Variants in TRAPPC9 observed in about 807,000 individuals in gnomAD.
TRAPPC9 encodes the protein trafficking protein particle complex subunit 9.
A neutral mutation model predicts 124.0 loss-of-function variants in TRAPPC9; 83 were observed. That is an observed-to-expected ratio of 0.67 (90% CI 0.56 to 0.80). The LOEUF is 0.80. Among genes scored for constraint, TRAPPC9 ranks in the 30% least tolerant of loss-of-function variants. The pLI, the probability that TRAPPC9 is intolerant of heterozygous loss-of-function variation, is 0.00. For synonymous variants in TRAPPC9, 638 were observed against 617.5 expected, an observed-to-expected ratio of 1.03 and a Z score of -0.49; for missense variants, 1,302 against 1,508.3, an observed-to-expected ratio of 0.86 and a Z score of 2.27.
At chr8:139,846,905 G>T (rs1034323371) in intron 21 of TRAPPC9, among the ~76,000 whole-genome samples, 2 of 152,160 alleles carry the variant, frequency 1.3e-5, no homozygotes, top group Non-Finnish European at 2.9e-5. Context: ...CCATTTTTTT[G>T]ATCATGCAAA....
intron 15 of TRAPPC9, among the ~76,000 whole-genome samples, chr8:140,274,735 GA>G (rs2065060600): frequency 6.6e-6 from 1 of 152,144 alleles, no homozygotes; most frequent in Admixed American, 6.5e-5. Context: ...CTACCTCTAA[GA>G]AACTTGGTTT....
chr8:139,913,671 A>G (rs553458586), intron 19 of TRAPPC9, among the ~76,000 whole-genome samples: 1 of 152,268 alleles, frequency 6.6e-6, no homozygotes, highest in South Asian at 2.1e-4. Flanking sequence ...GGGATGGCCG[A>G]CGCTGGCAAA....
At chr8:139,790,880 G>A (rs543675960) in intron 21 of TRAPPC9, among the ~76,000 whole-genome samples, 6 of 152,252 alleles carry the variant, frequency 3.9e-5, no homozygotes, top group South Asian at 4.2e-4. Context: ...CTGTCCTTGC[G>A]ATAGTGAGTG....
intron 9 of TRAPPC9, among the ~76,000 whole-genome samples, chr8:140,328,187 G>A (rs1046819926): frequency 5.3e-5 from 8 of 152,146 alleles, no homozygotes; most frequent in South Asian, 2.1e-4. Flanking sequence ...GCCAGGGAGC[G>A]GAGGTTGCAG....
chr8:140,418,723 A>AAGAAAGATAGATAGAT (rs1301862335), intron 5 of TRAPPC9, among the ~76,000 whole-genome samples: 2 of 141,214 alleles, frequency 1.4e-5, no homozygotes, highest in African/African-American at 5.3e-5. Context: ...CCATCTCAAA[A>AAGAAAGATAGATAGAT]AGATAGATAG....
chr8:139,761,261 C>A (rs1820199164), intron 21 of TRAPPC9, among the ~76,000 whole-genome samples: 1 of 152,130 alleles, frequency 6.6e-6, no homozygotes, highest in Non-Finnish European at 1.5e-5. Context: ...GGCCCAGACA[C>A]ACCATTTATA....
chr8:139,958,597 C>G (rs1835150262), intron 19 of TRAPPC9, among the ~76,000 whole-genome samples: 1 of 152,174 alleles, frequency 6.6e-6, no homozygotes, highest in Middle Eastern at 3.2e-3. Context: ...TAAAAGAGAC[C>G]CACGCTCTTC....
intron 1 of TRAPPC9, among the ~76,000 whole-genome samples, chr8:140,455,532 G>A (rs1057329730): frequency 2.0e-5 from 3 of 152,096 alleles, no homozygotes; most frequent in Non-Finnish European, 2.9e-5. Context: ...CCAGGTTCAA[G>A]GGATTCTACT....
intron 19 of TRAPPC9, among the ~76,000 whole-genome samples, chr8:139,964,255 C>G (rs57551842): frequency 0.033 from 4,735 of 143,934 alleles, 261 homozygotes; most frequent in African/African-American, 0.11. Flanking sequence ...AGCGGGGGAG[C>G]ACCTCAGGAG....
chr8:140,199,032 G>T (rs756912528), intron 17 of TRAPPC9, among the ~76,000 whole-genome samples: 5 of 152,164 alleles, frequency 3.3e-5, no homozygotes, highest in African/African-American at 4.8e-5. Context: ...CGGGACTCCT[G>T]GGGGGAGCAA....
At chr8:140,141,101 T>C (rs373288634) in intron 17 of TRAPPC9, among the ~76,000 whole-genome samples, 3 of 152,254 alleles carry the variant, frequency 2.0e-5, no homozygotes, top group Non-Finnish European at 2.9e-5. Context: ...GCATTCCTCA[T>C]GGGAGAGTTC....
intron 6 of TRAPPC9, among the ~76,000 whole-genome samples, chr8:140,403,902 C>T (rs186038077): frequency 2.0e-5 from 3 of 152,166 alleles, no homozygotes; most frequent in African/African-American, 4.8e-5. Context: ...AGGCAATCTG[C>T]CTATATCAGC....
In TRAPPC9 at chr8:139,788,823, G is replaced by A. The variant is rs183913365; in HGVS notation, c.3056-56621C>T. 2.6e-3 allele frequency among the ~76,000 whole-genome samples: 403 copies of A among 152,318 alleles called. 3 individuals are homozygous for A. The highest frequency in any genetic ancestry group is 8.5e-3 in the African/African-American group (354 of 41,578). On this transcript the variant is annotated intron_variant, in intron 21 of 22. Transcript: ENST00000438773. This position sits in a 1 kb window ranked among gnomAD's most constrained non-coding sequence, Gnocchi z 4.9. ...CCTGGGCCAGCTGCCTTCACAAGAG[G>A]TGTGGTGGGGGGCTTTCAGAAACAA...
intron 16 of TRAPPC9, among the ~76,000 whole-genome samples, chr8:140,251,644 A>G (rs1292301306): frequency 2.0e-5 from 3 of 152,208 alleles, no homozygotes; most frequent in African/African-American, 7.2e-5. Context: ...CTGAAGGCCT[A>G]TCCCCCAGTG....
chr8:139,881,426 G>C (rs966491245), intron 21 of TRAPPC9: 1 of 152,138 alleles, frequency 6.6e-6, no homozygotes, highest in Non-Finnish European at 1.5e-5. Flanking sequence ...ATCACATGTG[G>C]TAAGCGCCCC....
At chr8:140,313,934 T>A (rs2066376942) in intron 9 of TRAPPC9, among the ~76,000 whole-genome samples, 1 of 152,160 alleles carries the variant, frequency 6.6e-6, no homozygotes. Flanking sequence ...TGCCCAATTG[T>A]CAGCATGGCC....
intron 7 of TRAPPC9, among the ~76,000 whole-genome samples, chr8:140,377,401 C>T (rs1283690581): frequency 6.6e-6 from 1 of 152,090 alleles, no homozygotes; most frequent in Non-Finnish European, 1.5e-5. Flanking sequence ...CAGGTTCAAA[C>T]AATTCTCCCG....
chr8:140,024,895 A>G lies in TRAPPC9; in HGVS notation c.2557-816T>C, dbSNP rs1587522884. Among the ~76,000 whole-genome samples, 5 of 152,346 alleles carry G rather than the reference A, an allele frequency of 3.3e-5. No homozygotes were observed. In the South Asian group the frequency reaches 1.0e-3, roughly 32 times the overall value. Reference sequence around the variant, plus strand: ...GGGCTGACAGTGAGTAAAAGCCGACAAACTCCACACTCAGGATGCTTCCTG... The same window carrying G: ...GGGCTGACAGTGAGTAAAAGCCGACGAACTCCACACTCAGGATGCTTCCTG... On this transcript the variant is annotated intron_variant, in intron 17 of 22. Coordinates refer to ENST00000438773, the MANE Select transcript of TRAPPC9 (RefSeq NM_001160372.4).
chr8:139,900,982 A>T (rs1188768225), intron 20 of TRAPPC9, among the ~76,000 whole-genome samples: 1 of 111,738 alleles, frequency 8.9e-6, no homozygotes, highest in Non-Finnish European at 1.7e-5. Flanking sequence ...AAAAATAAAT[A>T]AATAAATAAA....
Sources: gnomAD v4.1 joint callset for allele counts (sites outside exome capture counted in the v4.1 genomes callset) on GRCh38, gnomAD v4.1.1 for gene constraint, Gnocchi (gnomAD v3.1) non-coding constraint, MANE v1.5 for transcripts, NCBI Gene and HGNC (gene_info 2026-07-23, HGNC 2026-07-21) for gene names.